Variants in KCNAB1 observed in about 807,000 individuals in gnomAD.
KCNAB1 encodes the protein potassium voltage-gated channel subfamily A regulatory beta subunit 1, also known as voltage-gated potassium channel subunit beta-1.
KCNAB1 carries 35 observed loss-of-function variants against 64.6 expected under a neutral mutation model. That is an observed-to-expected ratio of 0.54 (90% confidence interval 0.41 to 0.72). KCNAB1 has a LOEUF of 0.72. Ranked by LOEUF, KCNAB1 falls within the 30% of genes least tolerant of loss-of-function variation. KCNAB1 has a pLI of 0.00. For synonymous variants in KCNAB1, 177 were observed against 183.8 expected (o/e 0.96, Z 0.30); for missense variants, 401 against 512.9 (o/e 0.78, Z 2.11).
chr3:156,457,833 G>A (rs1712565416), intron 4 of KCNAB1, among the ~76,000 whole-genome samples: 1 of 152,236 alleles, frequency 6.6e-6, no homozygotes, highest in East Asian at 1.9e-4. Context: ...TGCCAGAGTA[G>A]TGGCAGAGGA....
chr3:156,196,137 C>G (rs771540534), intron 1 of KCNAB1, among the ~76,000 whole-genome samples: 2 of 152,026 alleles, frequency 1.3e-5, no homozygotes, highest in Non-Finnish European at 2.9e-5. Flanking sequence ...TTCTGTTCCA[C>G]TGGTGTATAT....
intron 1 of KCNAB1, among the ~76,000 whole-genome samples, chr3:156,278,862 G>C (rs1480710572): frequency 3.3e-5 from 5 of 152,236 alleles, no homozygotes; most frequent in Middle Eastern, 3.4e-3. Context: ...TGGGTGGAAA[G>C]ACATGGACAT....
chr3:156,317,368 G>T (rs1722345115), intron 1 of KCNAB1, among the ~76,000 whole-genome samples: 1 of 151,966 alleles, frequency 6.6e-6, no homozygotes, highest in South Asian at 2.1e-4. Context: ...ATAAATTTTT[G>T]CCCTGGCAAA....
intron 1 of KCNAB1, among the ~76,000 whole-genome samples, chr3:156,372,503 G>A (rs1726376602): frequency 6.6e-6 from 1 of 152,226 alleles, no homozygotes; most frequent in African/African-American, 2.4e-5. Flanking sequence ...AGTGTGGACT[G>A]TAGAATTTGC....
intron 7 of KCNAB1, among the ~76,000 whole-genome samples, chr3:156,473,104 G>A (rs1194211461): frequency 1.3e-5 from 2 of 152,190 alleles, no homozygotes; most frequent in African/African-American, 4.8e-5. Context: ...AGGGGGTCTA[G>A]TGAAAATTTT....
In KCNAB1 at chr3:156,488,788, T is replaced by C. The variant is rs1221444987; in HGVS notation, c.658+13968T>C. On this transcript the variant is annotated intron_variant, in intron 8 of 13. Coordinates refer to ENST00000490337, the MANE Select transcript of KCNAB1 (RefSeq NM_172160.3). Reference sequence around the variant, plus strand: ...AGGGAGATATGTTAAAAAATGGTTATAGCAATCTAGATGAGAGAATAGGGT... The same window carrying C: ...AGGGAGATATGTTAAAAAATGGTTACAGCAATCTAGATGAGAGAATAGGGT... Among the ~76,000 whole-genome samples, 2 of 152,080 alleles carry C rather than the reference T, an allele frequency of 1.3e-5. 1 individual carries two copies. The highest frequency in any genetic ancestry group is 2.9e-5 in the Non-Finnish European group (2 of 67,980).
At chr3:156,311,576 G>T (rs1329429998) in intron 1 of KCNAB1, among the ~76,000 whole-genome samples, 2 of 152,184 alleles carry the variant, frequency 1.3e-5, no homozygotes, top group African/African-American at 2.4e-5. Flanking sequence ...TTGCACCCAT[G>T]CGCAGACCTG....
At position 156,139,471 on chromosome 3, in the gene KCNAB1, G is replaced by A. The variant is rs549106365; in HGVS notation, c.275+18585G>A. Among the ~76,000 whole-genome samples the A allele has an allele frequency of 8.6e-5, 13 of 152,026 alleles. 1 individual carries two copies. The South Asian group carries it at 2.7e-3, about 32-fold the overall frequency. The stretch of plus-strand genomic sequence containing the variant: ...ACCTCCAGGTGTTCTCAGCCCTGGA[G>A]GAACCACTTTCATGGCTCACATACT... On this transcript the variant is annotated intron_variant, in intron 1 of 13. Coordinates refer to ENST00000490337, the MANE Select transcript of KCNAB1 (RefSeq NM_172160.3).
At chr3:156,303,133 G>A (rs1433428242) in intron 1 of KCNAB1, among the ~76,000 whole-genome samples, 1 of 152,200 alleles carries the variant, frequency 6.6e-6, no homozygotes, top group African/African-American at 2.4e-5. Context: ...CCTCTGTGAA[G>A]TTCTGTCTCA....
At chr3:156,177,607 G>A (rs1241671774) in intron 1 of KCNAB1, among the ~76,000 whole-genome samples, 2 of 152,052 alleles carry the variant, frequency 1.3e-5, no homozygotes, top group African/African-American at 4.8e-5. Context: ...TCGATCTCCT[G>A]ACCTCGTGAT....
chr3:156,413,037 A>C (rs1266310106), intron 1 of KCNAB1, among the ~76,000 whole-genome samples: 1 of 152,228 alleles, frequency 6.6e-6, no homozygotes, highest in Non-Finnish European at 1.5e-5. Flanking sequence ...AAGCCTGAAC[A>C]TAAGAGTAGA....
intron 1 of KCNAB1, among the ~76,000 whole-genome samples, chr3:156,348,518 G>C (rs1724647771): frequency 1.3e-5 from 2 of 152,012 alleles, no homozygotes. Context: ...CGGGGATGGT[G>C]GTGCCATTTA....
intron 1 of KCNAB1, among the ~76,000 whole-genome samples, chr3:156,233,850 G>T (rs1245165800): frequency 6.6e-6 from 1 of 152,054 alleles, no homozygotes; most frequent in Non-Finnish European, 1.5e-5. Context: ...TAACATGCTG[G>T]AAGAGTGGCA....
At chr3:156,468,004 C>T (rs1713552631) in intron 7 of KCNAB1, among the ~76,000 whole-genome samples, 1 of 152,050 alleles carries the variant, frequency 6.6e-6, no homozygotes, top group Admixed American at 6.6e-5. Flanking sequence ...TTGTCTTGGT[C>T]ATAATACTTT....
intron 8 of KCNAB1, among the ~76,000 whole-genome samples, chr3:156,513,489 A>G (rs1198418880): frequency 6.6e-6 from 1 of 152,222 alleles, no homozygotes; most frequent in Non-Finnish European, 1.5e-5. Context: ...GTGACCTGGC[A>G]TCCTGTTAAA....
intron 1 of KCNAB1, among the ~76,000 whole-genome samples, chr3:156,184,132 C>A (rs1259230102): frequency 6.6e-6 from 1 of 152,138 alleles, no homozygotes; most frequent in African/African-American, 2.4e-5. Flanking sequence ...TATATACATA[C>A]AATTTTTTTG....
chr3:156,157,696 C>T (rs1275169643), intron 1 of KCNAB1, among the ~76,000 whole-genome samples: 1 of 152,124 alleles, frequency 6.6e-6, no homozygotes, highest in Non-Finnish European at 1.5e-5. Flanking sequence ...TATTGACCCA[C>T]AGCTCAATTT....
At chr3:156,143,901 CTTTATTTATTTATTTATTTA>C (rs145502397) in intron 1 of KCNAB1, among the ~76,000 whole-genome samples, 11 of 146,710 alleles carry the variant, frequency 7.5e-5, no homozygotes, top group African/African-American at 2.2e-4. Flanking sequence ...AATGACAGCA[CTTTATTTATTTATTTATTTA>C]TTTATTTATT....
intron 1 of KCNAB1, among the ~76,000 whole-genome samples, chr3:156,361,044 A>G (rs937269495): frequency 1.3e-5 from 2 of 152,090 alleles, no homozygotes; most frequent in African/African-American, 2.4e-5. Context: ...AAACCCTCCA[A>G]TGTCTTCCCA....
Sources: gnomAD v4.1 joint callset for allele counts (sites outside exome capture counted in the v4.1 genomes callset) on GRCh38, gnomAD v4.1.1 for gene constraint, MANE v1.5 for transcripts, NCBI Gene and HGNC (gene_info 2026-07-23, HGNC 2026-07-21) for gene names.